TMEM131L: variants seen among roughly 807,000 people sequenced by gnomAD.
TMEM131L encodes transmembrane 131 like.
Under a neutral mutation model 192.2 loss-of-function variants are expected in TMEM131L, and 54 were observed. The observed-to-expected ratio is 0.28, with a 90% CI of 0.23 to 0.35. The LOEUF (loss-of-function observed/expected upper bound fraction) is 0.35, where lower values mean the gene tolerates loss of function less well. Among genes scored for constraint, TMEM131L ranks in the 10% least tolerant of loss-of-function variants. The pLI is 1.00. For missense variants in TMEM131L, 1,888 were observed against 1,972.9 expected (o/e 0.96, Z 0.82); for synonymous variants, 701 against 704.9 (o/e 0.99, Z 0.09).
chr4:153,597,974 C>A (rs1731561866), intron 20 of TMEM131L, among the ~76,000 whole-genome samples: 1 of 151,970 alleles, frequency 6.6e-6, no homozygotes, highest in Admixed American at 6.6e-5. Context: ...TAATTTCCAC[C>A]TTTTTGTCCT....
At chr4:153,573,579 G>A (rs1199545618) in intron 7 of TMEM131L, among the ~76,000 whole-genome samples, 3 of 152,228 alleles carry the variant, frequency 2.0e-5, no homozygotes, top group Non-Finnish European at 4.4e-5. Flanking sequence ...AAACCAAGGT[G>A]TTGCCCAACA....
At position 153,603,452 on chromosome 4, in the gene TMEM131L, A is replaced by G; in HGVS notation, c.2789A>G (p.Lys930Arg). Residue 930 changes from lysine to arginine, a missense_variant and splice_region_variant, in exon 24 of 35, where the codon AAA becomes AGA. Lys to Arg is a conservative substitution (Grantham distance 26, BLOSUM62 2). Coordinates refer to ENST00000409959, the MANE Select transcript of TMEM131L (RefSeq NM_001131007.2). Reference sequence around the variant, plus strand: ...GATGTAATCAGCCCCCATTCTTACAAGTAAGAATTCTTATAGTGTGGTTGG... The same window carrying G: ...GATGTAATCAGCCCCCATTCTTACAGGTAAGAATTCTTATAGTGTGGTTGG... The part of the protein sequence containing the change: ...PMDVISPHSY[K>R]SNCKNFLDTY... 6.2e-7 allele frequency: 1 copy of G among 1,612,992 alleles called. No homozygotes were observed. Among genetic ancestry groups the G allele is most frequent in the Non-Finnish European group, 8.5e-7 (1 of 1,179,584 alleles).
At chr4:153,500,078 C>G (rs754706366) in intron 3 of TMEM131L, among the ~76,000 whole-genome samples, 3 of 151,932 alleles carry the variant, frequency 2.0e-5, no homozygotes, top group Non-Finnish European at 4.4e-5. Flanking sequence ...GTTCCCTTCC[C>G]TCTGTCCCAT....
intron 3 of TMEM131L, among the ~76,000 whole-genome samples, chr4:153,498,657 A>G (rs980896990): frequency 4.6e-5 from 7 of 152,144 alleles, no homozygotes; most frequent in African/African-American, 1.7e-4. Flanking sequence ...GTGAACAATG[A>G]GGAGTTGAGA....
At chr4:153,526,662 C>T (rs1453309733) in intron 3 of TMEM131L, among the ~76,000 whole-genome samples, 4 of 151,586 alleles carry the variant, frequency 2.6e-5, no homozygotes, top group South Asian at 2.1e-4. Flanking sequence ...GGCGTGAACC[C>T]GGGAGGCGGA....
intron 3 of TMEM131L, among the ~76,000 whole-genome samples, chr4:153,526,935 T>C (rs1735532369): frequency 6.6e-6 from 1 of 152,014 alleles, no homozygotes; most frequent in South Asian, 2.1e-4. Context: ...TTTGGGGCCT[T>C]GAGAGAGGGC....
chr4:153,545,848 G>A (rs1306993678), intron 3 of TMEM131L, among the ~76,000 whole-genome samples: 1 of 152,102 alleles, frequency 6.6e-6, no homozygotes, highest in East Asian at 1.9e-4. Flanking sequence ...AGACACTGCA[G>A]ATGGCTCTTG....
chr4:153,589,948 G>A (rs1219250754), intron 16 of TMEM131L, among the ~76,000 whole-genome samples: 2 of 152,104 alleles, frequency 1.3e-5, no homozygotes, highest in African/African-American at 4.8e-5. Context: ...ACTTTATTAG[G>A]AAATTCTTTA....
chr4:153,606,545 A>G (rs911212138), intron 25 of TMEM131L, among the ~76,000 whole-genome samples: 2 of 152,244 alleles, frequency 1.3e-5, no homozygotes, highest in African/African-American at 4.8e-5. Context: ...TTGACATTCA[A>G]TGCCAATAGC....
intron 15 of TMEM131L, among the ~76,000 whole-genome samples, chr4:153,588,301 A>G (rs946152522): frequency 8.1e-6 from 1 of 124,180 alleles, no homozygotes; most frequent in Non-Finnish European, 1.7e-5. Flanking sequence ...TTGTCTTTTG[A>G]TTTATAGAGA....
At chr4:153,575,438 A>G (rs1418662532) in intron 7 of TMEM131L, among the ~76,000 whole-genome samples, 1 of 152,180 alleles carries the variant, frequency 6.6e-6, no homozygotes, top group East Asian at 1.9e-4. Flanking sequence ...ATGGATTTTT[A>G]GGCCTTTAGG....
chr4:153,528,666 G>A (rs1357138366), intron 3 of TMEM131L, among the ~76,000 whole-genome samples: 1 of 152,052 alleles, frequency 6.6e-6, no homozygotes, highest in African/African-American at 2.4e-5. Context: ...AGGCTGTCTC[G>A]TAATGTGTTC....
At chr4:153,526,801 C>G (rs1016926012) in intron 3 of TMEM131L, among the ~76,000 whole-genome samples, 3 of 151,638 alleles carry the variant, frequency 2.0e-5, no homozygotes, top group Admixed American at 2.0e-4. Flanking sequence ...TAGCTCCTGT[C>G]GTGTTGTGAA....
At chr4:153,599,668 A>G (rs1731694424) in intron 21 of TMEM131L, among the ~76,000 whole-genome samples, 1 of 152,272 alleles carries the variant, frequency 6.6e-6, no homozygotes. Context: ...TGGAGAAAAC[A>G]TCAAAAGTGT....
At chr4:153,534,532 C>A (rs1460546310) in intron 3 of TMEM131L, among the ~76,000 whole-genome samples, 1 of 152,154 alleles carries the variant, frequency 6.6e-6, no homozygotes, top group Non-Finnish European at 1.5e-5. Flanking sequence ...CTCCCGGGTT[C>A]AAGCGATTCT....
intron 3 of TMEM131L, among the ~76,000 whole-genome samples, chr4:153,516,861 C>G (rs904169809): frequency 6.6e-6 from 1 of 151,872 alleles, no homozygotes. Context: ...AGTCTTGCTC[C>G]GTCACTTAGG....
At chr4:153,475,822 G>A (rs1731492306) in intron 3 of TMEM131L, among the ~76,000 whole-genome samples, 1 of 152,164 alleles carries the variant, frequency 6.6e-6, no homozygotes, top group African/African-American at 2.4e-5. Flanking sequence ...GTATACAGGA[G>A]GATGTGCATA....
At chr4:153,570,526 T>G (rs546838176) in intron 7 of TMEM131L, among the ~76,000 whole-genome samples, 1 of 152,330 alleles carries the variant, frequency 6.6e-6, no homozygotes, top group Admixed American at 6.5e-5. Context: ...TGCTCTGGCC[T>G]TCCCTCAGAG....
intron 3 of TMEM131L, among the ~76,000 whole-genome samples, chr4:153,525,488 C>T (rs932457638): frequency 2.0e-5 from 3 of 152,136 alleles, no homozygotes; most frequent in East Asian, 3.9e-4. Context: ...TACAGGTGCA[C>T]GCCACCACAC....
Sources: allele counts gnomAD v4.1 joint callset (sites outside exome capture counted in the v4.1 genomes callset), GRCh38; gene constraint gnomAD v4.1.1; transcripts MANE v1.5; gene names NCBI Gene and HGNC (gene_info 2026-07-23, HGNC 2026-07-21).